ZCCHC14: variants seen among roughly 807,000 people sequenced by gnomAD.
ZCCHC14 encodes zinc finger CCHC domain-containing protein 14.
A neutral mutation model predicts 85.0 loss-of-function variants in ZCCHC14; 16 were observed. The ratio of observed to expected loss-of-function variants is 0.19; its 90% CI spans 0.13 to 0.29. The LOEUF (loss-of-function observed/expected upper bound fraction) is 0.29. Among genes scored for constraint, ZCCHC14 ranks in the 10% least tolerant of loss-of-function variants. The probability of loss-of-function intolerance (pLI) is 1.00; values close to 1 mark genes in which losing one functional copy is unlikely to be tolerated. For synonymous variants in ZCCHC14, 775 were observed against 630.7 expected, an observed-to-expected ratio of 1.23 and a Z score of -3.43; for missense variants, 1,303 against 1,443.5, an observed-to-expected ratio of 0.90 and a Z score of 1.58.
Position 87,412,242 on chromosome 16 carries a change from T to C in ZCCHC14, c.2479A>G (p.Ser827Gly), listed in dbSNP as rs754498953. 4 of 1,612,542 alleles carry C rather than the reference T, an allele frequency of 2.5e-6. No individual in the cohort carries two copies. The highest frequency in any genetic ancestry group is 2.2e-5 in the South Asian group (2 of 91,014). The change falls in exon 12 of 13, where the codon AGT becomes GGT. Residue 827 changes from serine to glycine, a missense_variant. Physicochemically the swap from Ser to Gly is moderately conservative, Grantham distance 56. This residue lies in a region of ZCCHC14 where 797 missense variants were observed against 730.8 expected (regional missense o/e 1.09). Coordinates refer to ENST00000671377, the MANE Select transcript of ZCCHC14 (RefSeq NM_015144.3). ...NTKVAFSAMS[S>G]MPVGPLQGGF... ...CCCTGCAGGGGGCCCACTGGCATACTGCTCATTGCAGAAAAGGCAACTTTG... is the reference window on the plus strand; with the variant it reads ...CCCTGCAGGGGGCCCACTGGCATACCGCTCATTGCAGAAAAGGCAACTTTG...
chr16:87,407,748 T>C lies in ZCCHC14; in HGVS notation c.*2532A>G, dbSNP rs1908265867. ...GACTAAGTACTTGAAAGGGTCAGTA[T>C]GTTCTGTGTTTTCAGATGAGGAAGT... On this transcript the variant is annotated 3_prime_UTR_variant, in exon 13 of 13. Transcript: ENST00000671377. 6.6e-6 allele frequency: 1 copy of C among 152,332 alleles called. No homozygotes were observed. Among genetic ancestry groups the C allele is most frequent in the Admixed American group, 6.5e-5 (1 of 15,280 alleles). The allele number at this position is 152,332 out of a possible 1,614,324, so 9.4% of individuals were successfully genotyped here.
intron 2 of ZCCHC14, among the ~76,000 whole-genome samples, chr16:87,440,105 C>T (rs1910113057): frequency 6.6e-6 from 1 of 152,170 alleles, no homozygotes; most frequent in Non-Finnish European, 1.5e-5. Flanking sequence ...CTGTGCCCGG[C>T]CTAACATGCA....
At chr16:87,479,013 T>C (rs1163195214) in intron 1 of ZCCHC14, among the ~76,000 whole-genome samples, 3 of 152,238 alleles carry the variant, frequency 2.0e-5, no homozygotes, top group African/African-American at 4.8e-5. Flanking sequence ...CTCTTCCCCA[T>C]ACACTAAATC....
At chr16:87,433,457 G>C (rs1386344743) in intron 2 of ZCCHC14, among the ~76,000 whole-genome samples, 1 of 152,146 alleles carries the variant, frequency 6.6e-6, no homozygotes, top group Non-Finnish European at 1.5e-5. Flanking sequence ...AACGGCACTG[G>C]AGTACAGACA....
rs192289613 is a variant in ZCCHC14, at chr16:87,429,365, G to C, written c.768+3763C>G. Among the ~76,000 whole-genome samples the C allele has an allele frequency of 8.1e-3, 1,240 of 152,154 alleles. 7 individuals are homozygous for C. The highest frequency in any genetic ancestry group is 0.013 in the Non-Finnish European group (875 of 68,012). ...AATCATCTTTTTTTTTCTTTGTGGA[G>C]ACAGGGTCTCACTGTTGCCCAGGCT... On this transcript the variant is annotated intron_variant, in intron 3 of 12. Coordinates refer to ENST00000671377, the MANE Select transcript of ZCCHC14 (RefSeq NM_015144.3).
intron 2 of ZCCHC14, among the ~76,000 whole-genome samples, chr16:87,436,320 G>GC (rs1185318656): frequency 6.6e-6 from 1 of 152,220 alleles, no homozygotes; most frequent in Non-Finnish European, 1.5e-5. Flanking sequence ...GGCAGTGGCG[G>GC]CCCCCCGCCA....
chr16:87,488,804 C>G (rs1187249609), intron 1 of ZCCHC14, among the ~76,000 whole-genome samples: 1 of 152,194 alleles, frequency 6.6e-6, no homozygotes, highest in Non-Finnish European at 1.5e-5. Context: ...TGTTGAACTC[C>G]TGGGCTCAAG....
intron 3 of ZCCHC14, among the ~76,000 whole-genome samples, chr16:87,430,109 C>T (rs1909576576): frequency 6.6e-6 from 1 of 152,146 alleles, no homozygotes; most frequent in Non-Finnish European, 1.5e-5. Context: ...GTTTTCAGCA[C>T]CGTATCTCAG....
At chr16:87,455,330 G>C (rs1910905929) in intron 2 of ZCCHC14, among the ~76,000 whole-genome samples, 1 of 151,478 alleles carries the variant, frequency 6.6e-6, no homozygotes, top group Non-Finnish European at 1.5e-5. Flanking sequence ...GTGAACGACT[G>C]GCTCTCAGGA....
chr16:87,410,925 T>C (rs185628477), intron 12 of ZCCHC14, among the ~76,000 whole-genome samples: 9 of 152,102 alleles, frequency 5.9e-5, no homozygotes, highest in Non-Finnish European at 5.9e-5. Flanking sequence ...GTTGTCAGAG[T>C]TGGGACCCAC....
At chr16:87,447,975 C>G (rs1401425868) in intron 2 of ZCCHC14, among the ~76,000 whole-genome samples, 1 of 152,152 alleles carries the variant, frequency 6.6e-6, no homozygotes, top group African/African-American at 2.4e-5. Context: ...CCTGGACAAT[C>G]TGTGTGTACA....
At chr16:87,427,939 AT>A (rs34933427) in intron 3 of ZCCHC14, among the ~76,000 whole-genome samples, 111,312 of 137,198 alleles carry the variant, frequency 0.81, 45,282 homozygotes, top group South Asian at 0.86. Flanking sequence ...GGCCTCTATG[AT>A]TTTTTTTTTT....
intron 1 of ZCCHC14, chr16:87,472,863 C>G (rs993048621): frequency 3.3e-5 from 5 of 152,184 alleles, no homozygotes; most frequent in African/African-American, 4.8e-5. Context: ...AGGCGTGTAC[C>G]ACAGCGCCCG....
chr16:87,439,188 G>C (rs907360107), intron 2 of ZCCHC14, among the ~76,000 whole-genome samples: 3 of 151,456 alleles, frequency 2.0e-5, no homozygotes, highest in Admixed American at 6.6e-5. Flanking sequence ...CGCCAGGCTG[G>C]AGTGGCATGA....
Position 87,407,390 on chromosome 16 carries a change from T to C in ZCCHC14, c.*2890A>G, listed in dbSNP as rs1908250915. ...GTCTTTATTTTTATTACAAGTGCGC[T>C]AGCTCCCATTTCCTCAGTGCTCTTT... On this transcript the variant is annotated 3_prime_UTR_variant, in exon 13 of 13. Coordinates refer to ENST00000671377, the MANE Select transcript of ZCCHC14 (RefSeq NM_015144.3). 1 of 152,278 alleles carries C rather than the reference T, an allele frequency of 6.6e-6. No homozygotes were observed. Among genetic ancestry groups the C allele is most frequent in the Non-Finnish European group, 1.5e-5 (1 of 68,042 alleles). The allele number at this position is 152,278 out of a possible 1,614,324, so 9.4% of individuals were successfully genotyped here.
intron 2 of ZCCHC14, among the ~76,000 whole-genome samples, chr16:87,435,956 A>G (rs756053404): frequency 7.2e-5 from 11 of 152,248 alleles, no homozygotes; most frequent in Admixed American, 1.3e-4. Context: ...GTTTTTCTAA[A>G]GCAGTACTTC....
At chr16:87,416,240 C>CT (rs1205008176) in intron 8 of ZCCHC14, among the ~76,000 whole-genome samples, 1 of 151,924 alleles carries the variant, frequency 6.6e-6, no homozygotes, top group Non-Finnish European at 1.5e-5. Context: ...ATGACAGCAA[C>CT]TTTGTCAGGT....
chr16:87,474,864 G>C (rs535392924), intron 1 of ZCCHC14, among the ~76,000 whole-genome samples: 7 of 152,232 alleles, frequency 4.6e-5, no homozygotes, highest in African/African-American at 1.7e-4. Context: ...GTCCAGGACA[G>C]CAAGGTCACA....
chr16:87,481,056 G>T (rs1233338826), intron 1 of ZCCHC14, among the ~76,000 whole-genome samples: 1 of 152,166 alleles, frequency 6.6e-6, no homozygotes, highest in Non-Finnish European at 1.5e-5. Context: ...AATGACACAA[G>T]GGAACTGATG....
Sources: allele counts gnomAD v4.1 joint callset (sites outside exome capture counted in the v4.1 genomes callset), GRCh38; gene constraint gnomAD v4.1.1; regional missense constraint gnomAD v4.1.1; transcripts MANE v1.5; gene names NCBI Gene and HGNC (gene_info 2026-07-23, HGNC 2026-07-21).